CSMD1: variants seen among roughly 807,000 people sequenced by gnomAD.
CSMD1 encodes CUB and sushi domain-containing protein 1.
CSMD1 carries 213 observed loss-of-function variants against 417.5 expected under a neutral mutation model. The ratio of observed to expected loss-of-function variants is 0.51; its 90% CI spans 0.46 to 0.57. The LOEUF (loss-of-function observed/expected upper bound fraction) is 0.57, where lower values mean the gene tolerates loss of function less well. Ranked by LOEUF, CSMD1 falls within the 20% of genes least tolerant of loss-of-function variation. The probability of loss-of-function intolerance (pLI) is 0.00; values close to 1 mark genes in which losing one functional copy is unlikely to be tolerated. For synonymous variants in CSMD1, 2,862 were observed against 1,736.8 expected (o/e 1.65, Z -16.11); for missense variants, 6,923 against 4,529.7 (o/e 1.53, Z -15.17).
chr8:3,179,632 T>A (rs1019820402), intron 37 of CSMD1, among the ~76,000 whole-genome samples: 17 of 152,128 alleles, frequency 1.1e-4, no homozygotes, highest in African/African-American at 3.6e-4. Flanking sequence ...GACAAAGGAA[T>A]AAAAACCCAG....
At chr8:4,334,010 A>T (rs1305512214) in intron 3 of CSMD1, among the ~76,000 whole-genome samples, 1 of 151,564 alleles carries the variant, frequency 6.6e-6, no homozygotes, top group Non-Finnish European at 1.5e-5. Context: ...CCCGCCTCAG[A>T]CTCCTGAGTA....
intron 10 of CSMD1, among the ~76,000 whole-genome samples, chr8:3,510,407 G>A (rs1797015262): frequency 6.6e-6 from 1 of 151,774 alleles, no homozygotes; most frequent in South Asian, 2.1e-4. Context: ...TTGAGCGCAG[G>A]CTCTGTTGCT....
chr8:4,517,341 T>TG lies in CSMD1; in HGVS notation c.303-97277dup, dbSNP rs1803179511. ...CCGCTGTGAATGTGATTGCACCAGT[T>TG]GCTAATTTGCTGTCAGTGCAGTCAT... On this transcript the variant is annotated intron_variant, in intron 2 of 69. Coordinates refer to ENST00000635120, the MANE Select transcript of CSMD1 (RefSeq NM_033225.6). Among the ~76,000 whole-genome samples, 2 of 152,196 alleles carry TG rather than the reference T, an allele frequency of 1.3e-5. 1 individual carries two copies.
intron 9 of CSMD1, among the ~76,000 whole-genome samples, chr8:3,581,066 C>T (rs1381529772): frequency 6.6e-6 from 1 of 152,156 alleles, no homozygotes; most frequent in African/African-American, 2.4e-5. Context: ...CTTTTCATCT[C>T]AGGGAGCAAC....
chr8:3,714,719 A>G (rs1801730342), intron 6 of CSMD1, among the ~76,000 whole-genome samples: 1 of 152,122 alleles, frequency 6.6e-6, no homozygotes, highest in East Asian at 1.9e-4. Context: ...CCTGGGCCAC[A>G]CAGTGAGACC....
intron 1 of CSMD1, among the ~76,000 whole-genome samples, chr8:4,831,611 T>G (rs1800152341): frequency 6.6e-6 from 1 of 152,166 alleles, no homozygotes; most frequent in African/African-American, 2.4e-5. Context: ...CACAGCCACC[T>G]GGTGACACTC....
intron 2 of CSMD1, among the ~76,000 whole-genome samples, chr8:4,601,975 A>C (rs1040110790): frequency 6.6e-6 from 1 of 152,296 alleles, no homozygotes; most frequent in South Asian, 2.1e-4. Flanking sequence ...AGAGCCAGCA[A>C]CTGTACTCTC....
intron 2 of CSMD1, among the ~76,000 whole-genome samples, chr8:4,522,626 C>A (rs1803524857): frequency 6.6e-6 from 1 of 152,048 alleles, no homozygotes; most frequent in Non-Finnish European, 1.5e-5. Flanking sequence ...GGAACCAGAC[C>A]CTTTCTGACT....
At chr8:4,950,124 T>G (rs955721355) in intron 1 of CSMD1, among the ~76,000 whole-genome samples, 1 of 152,068 alleles carries the variant, frequency 6.6e-6, no homozygotes, top group African/African-American at 2.4e-5. Flanking sequence ...TATGATAAGA[T>G]TTTAATATAT....
chr8:3,676,294 G>A (rs929597528), intron 7 of CSMD1, among the ~76,000 whole-genome samples: 2 of 152,074 alleles, frequency 1.3e-5, no homozygotes, highest in Non-Finnish European at 2.9e-5. Context: ...TGTGGCCCTG[G>A]GGCAAGTTCC....
chr8:3,329,486 C>T (rs1806752906), intron 23 of CSMD1, among the ~76,000 whole-genome samples: 1 of 152,150 alleles, frequency 6.6e-6, no homozygotes, highest in South Asian at 2.1e-4. Flanking sequence ...GGCAGCCACA[C>T]ACAGACTACT....
At chr8:3,702,705 G>A (rs1364555623) in intron 7 of CSMD1, among the ~76,000 whole-genome samples, 2 of 152,136 alleles carry the variant, frequency 1.3e-5, no homozygotes, top group South Asian at 2.1e-4. Context: ...CGTGGTGCAT[G>A]CCTGTAATCC....
At chr8:3,999,868 G>C (rs1406107560) in intron 4 of CSMD1, among the ~76,000 whole-genome samples, 1 of 152,150 alleles carries the variant, frequency 6.6e-6, no homozygotes, top group Non-Finnish European at 1.5e-5. Context: ...ACGTGACGTT[G>C]TGGAAAGGGC....
At chr8:4,854,494 T>C (rs897956103) in intron 1 of CSMD1, among the ~76,000 whole-genome samples, 4 of 152,124 alleles carry the variant, frequency 2.6e-5, no homozygotes, top group Non-Finnish European at 5.9e-5. Context: ...TATTTCCATC[T>C]GAGGTACCGG....
At position 3,409,487 on chromosome 8, in the gene CSMD1, C is replaced by G. The variant is rs371400420; in HGVS notation, c.1680G>C (p.Val560=). The G allele has an allele frequency of 6.2e-6, 10 of 1,611,548 alleles. No homozygotes were observed. Among genetic ancestry groups the G allele is most frequent in the African/African-American group, 1.3e-5 (1 of 74,906 alleles). ...GCTGACAGGTGATAACTCTCTCCCC[C>G]ACCAGCTCAAAGGCCGCCGGGCATT... ...TFECPAAFEL[V]GERVITCQQN... is the part of the protein sequence containing the mutation. The change falls in exon 13 of 70, where the codon GTG becomes GTC. Residue 560 remains valine (V), a synonymous_variant. Coordinates refer to ENST00000635120, the MANE Select transcript of CSMD1 (RefSeq NM_033225.6).
intron 25 of CSMD1, among the ~76,000 whole-genome samples, chr8:3,303,443 T>C (rs929160128): frequency 6.6e-6 from 1 of 152,234 alleles, no homozygotes; most frequent in African/African-American, 2.4e-5. Flanking sequence ...TTTCTAAAAG[T>C]CTGCATAGGA....
chr8:3,724,085 A>G lies in CSMD1; in HGVS notation c.932-15594T>C, dbSNP rs1164935238. Among the ~76,000 whole-genome samples the G allele has an allele frequency of 7.4e-5, 4 of 53,942 alleles. 2 individuals are homozygous for G. The highest frequency in any genetic ancestry group is 3.6e-4 in the Non-Finnish European group (4 of 11,220). The allele number at this position is 53,942 out of a possible 152,430, so 35.4% of individuals were successfully genotyped here. Reference sequence around the variant, plus strand: ...GTTCATTGACTTCAACCAGAATAACAGAGCACAGCACATTAAATACGAAAG... The same window carrying G: ...GTTCATTGACTTCAACCAGAATAACGGAGCACAGCACATTAAATACGAAAG... On this transcript the variant is annotated intron_variant, in intron 6 of 69. Transcript: ENST00000635120.
At chr8:4,170,083 A>C (rs977617979) in intron 3 of CSMD1, among the ~76,000 whole-genome samples, 1 of 151,818 alleles carries the variant, frequency 6.6e-6, no homozygotes. Context: ...GGGTGAGTCA[A>C]AGATTAAAAA....
In CSMD1 at chr8:3,485,394, G is replaced by A. The variant is rs187313171; in HGVS notation, c.1448+8229C>T. On this transcript the variant is annotated intron_variant, in intron 11 of 69. Coordinates refer to ENST00000635120, the MANE Select transcript of CSMD1 (RefSeq NM_033225.6). Reference sequence around the variant, plus strand: ...TTGGCAGGGGTCAGCTTTAAGTGTAGAAAACAGGGAGTTGGCTATGATTAT... The same window carrying A: ...TTGGCAGGGGTCAGCTTTAAGTGTAAAAAACAGGGAGTTGGCTATGATTAT... Among the ~76,000 whole-genome samples the A allele has an allele frequency of 5.5e-3, 839 of 152,138 alleles. 3 individuals carry two copies. Among genetic ancestry groups the A allele is most frequent in the Non-Finnish European group, 9.5e-3 (643 of 67,996 alleles).
Sources: allele counts gnomAD v4.1 joint callset (sites outside exome capture counted in the v4.1 genomes callset), GRCh38; gene constraint gnomAD v4.1.1; transcripts MANE v1.5; gene names NCBI Gene and HGNC (gene_info 2026-07-23, HGNC 2026-07-21).